DNAJC11: variants seen among roughly 807,000 people sequenced by gnomAD.
DNAJC11 encodes dnaJ homolog subfamily C member 11.
In DNAJC11, 15 loss-of-function variants were observed where a neutral mutation model predicts 78.6. That is an observed-to-expected ratio of 0.19 (90% CI 0.13 to 0.29). The LOEUF is 0.29. Ranked by LOEUF, DNAJC11 falls within the 10% of genes least tolerant of loss-of-function variation. DNAJC11 has a pLI of 1.00. For missense variants in DNAJC11, 547 were observed against 709.6 expected (o/e 0.77, Z 2.60); for synonymous variants, 292 against 272.1 (o/e 1.07, Z -0.72).
intron 6 of DNAJC11, among the ~76,000 whole-genome samples, chr1:6,652,236 T>C (rs1468555157): frequency 6.6e-6 from 1 of 152,168 alleles, no homozygotes; most frequent in Admixed American, 6.5e-5. Context: ...CAGTGAACCA[T>C]CACGCGGAAG....
At chr1:6,683,127 G>A (rs1197560676) in intron 1 of DNAJC11, among the ~76,000 whole-genome samples, 6 of 152,144 alleles carry the variant, frequency 3.9e-5, no homozygotes, top group Non-Finnish European at 7.3e-5. Flanking sequence ...ACCCCACTCC[G>A]CGGCAAATCT....
chr1:6,692,436 C>T (rs1433610995), intron 1 of DNAJC11, among the ~76,000 whole-genome samples: 1 of 151,446 alleles, frequency 6.6e-6, no homozygotes, highest in South Asian at 2.1e-4. Context: ...ACCCCAAACA[C>T]CCAAAAAATG....
At chr1:6,666,367 GT>G (rs1392107963) in intron 4 of DNAJC11, among the ~76,000 whole-genome samples, 1 of 140,514 alleles carries the variant, frequency 7.1e-6, no homozygotes. Context: ...GCCAGCATTT[GT>G]TTTTTTTCTT....
intron 3 of DNAJC11, among the ~76,000 whole-genome samples, chr1:6,675,112 G>A (rs539903015): frequency 2.0e-5 from 3 of 152,164 alleles, no homozygotes; most frequent in Admixed American, 6.5e-5. Flanking sequence ...GTTGATGCCA[G>A]CTTCATAGAA....
At chr1:6,689,469 TC>T (rs1291231581) in intron 1 of DNAJC11, among the ~76,000 whole-genome samples, 1 of 152,126 alleles carries the variant, frequency 6.6e-6, no homozygotes, top group African/African-American at 2.4e-5. Flanking sequence ...TGGCGTGATG[TC>T]CAGAAGGCAG....
rs78849549 is a variant in DNAJC11 at position 6,679,166 on chromosome 1, T to C, written c.203-699A>G. ...ATAAAAGTACACTGACTTGAAAGAG[T>C]GGGTTCCAGTTTCTAAAGAAGCTTG... On this transcript the variant is annotated intron_variant, in intron 2 of 15. Coordinates refer to ENST00000377577, the MANE Select transcript of DNAJC11 (RefSeq NM_018198.4). Among the ~76,000 whole-genome samples the C allele has an allele frequency of 8.5e-5, 13 of 152,170 alleles. No homozygotes were observed. In the East Asian group the frequency reaches 2.3e-3, roughly 27 times the overall value.
chr1:6,692,212 G>T (rs1234887101), intron 1 of DNAJC11, among the ~76,000 whole-genome samples: 2 of 152,154 alleles, frequency 1.3e-5, no homozygotes, highest in African/African-American at 2.4e-5. Flanking sequence ...AAAATAACTG[G>T]CTTATAGATC....
chr1:6,651,257 C>T (rs1394641302), intron 7 of DNAJC11: 1 of 640,938 alleles, frequency 1.6e-6, no homozygotes, highest in Non-Finnish European at 3.0e-6. Context: ...CACTCTTTCT[C>T]CGTGGCCTTG....
chr1:6,688,689 A>C (rs1435108303), intron 1 of DNAJC11, among the ~76,000 whole-genome samples: 1 of 152,210 alleles, frequency 6.6e-6, no homozygotes, highest in Non-Finnish European at 1.5e-5. Context: ...CCCAATGAGA[A>C]CACAAAGGTG....
intron 4 of DNAJC11, among the ~76,000 whole-genome samples, chr1:6,655,476 ATC>A (rs1414023791): frequency 3.3e-5 from 5 of 152,324 alleles, no homozygotes; most frequent in East Asian, 1.9e-4. Flanking sequence ...GCATGAACAC[ATC>A]TCTGTCATGA....
chr1:6,700,080 C>T (rs1642901015), intron 1 of DNAJC11, among the ~76,000 whole-genome samples: 1 of 152,222 alleles, frequency 6.6e-6, no homozygotes, highest in African/African-American at 2.4e-5. Flanking sequence ...TGGTGATTTA[C>T]TCCTGCCCCA....
intron 1 of DNAJC11, among the ~76,000 whole-genome samples, chr1:6,692,599 T>C (rs552793531): frequency 1.9e-4 from 27 of 139,956 alleles, no homozygotes; most frequent in South Asian, 1.6e-3. Flanking sequence ...AAGTAAAAAA[T>C]GCTTCAGGAA....
intron 7 of DNAJC11, chr1:6,651,101 C>T (rs370381104): frequency 1.1e-5 from 6 of 534,942 alleles, no homozygotes; most frequent in East Asian, 5.4e-5. Context: ...GCAGCAGAGA[C>T]GACAGGAAGC....
At chr1:6,665,815 A>T (rs1022849729) in intron 4 of DNAJC11, among the ~76,000 whole-genome samples, 1 of 152,108 alleles carries the variant, frequency 6.6e-6, no homozygotes, top group Non-Finnish European at 1.5e-5. Context: ...AGAACATCAA[A>T]AACACCAAAG....
rs370914052 is a variant in DNAJC11 at position 6,666,775 on chromosome 1, CCAA to C, written c.378+931_378+933del. Among the ~76,000 whole-genome samples the C allele has an allele frequency of 3.2e-3, 489 of 152,284 alleles. 4 individuals are homozygous for C. Among genetic ancestry groups the C allele is most frequent in the African/African-American group, 0.011 (449 of 41,562 alleles). Reference sequence around the variant, plus strand: ...ACTTTGTATGGCTTCTGCTCTCCTTCCAACAACGTTGATGATTTGACACAGATC... The same window carrying C: ...ACTTTGTATGGCTTCTGCTCTCCTTCCAACGTTGATGATTTGACACAGATC... On this transcript the variant is annotated intron_variant, in intron 4 of 15. Transcript: ENST00000377577.
At chr1:6,693,452 T>G (rs1642783006) in intron 1 of DNAJC11, among the ~76,000 whole-genome samples, 1 of 151,936 alleles carries the variant, frequency 6.6e-6, no homozygotes, top group South Asian at 2.1e-4. Flanking sequence ...GGTGCGATCT[T>G]GCTTCACTGC....
chr1:6,635,788 C>A, intron 15 of DNAJC11, 88 bp from the exon 16 acceptor site: 3 of 1,512,720 alleles, frequency 2.0e-6, no homozygotes, highest in Non-Finnish European at 2.7e-6. Context: ...TCACCCGGAC[C>A]AGCAGCTGGC....
At chr1:6,676,484 A>T (rs948424903) in intron 3 of DNAJC11, among the ~76,000 whole-genome samples, 1 of 152,036 alleles carries the variant, frequency 6.6e-6, no homozygotes, top group Non-Finnish European at 1.5e-5. Context: ...GTTTGAGACC[A>T]GCCTGGGCAA....
At position 6,645,518 on chromosome 1, in the gene DNAJC11, C is replaced by T. The variant is rs781546590; in HGVS notation, c.894+271G>A. Reference sequence around the variant, plus strand: ...GGCTTCATCTGCCCGCCCCCAATTCCGTGGGTGGCTCCCACCAGACATTAA... The same window carrying T: ...GGCTTCATCTGCCCGCCCCCAATTCTGTGGGTGGCTCCCACCAGACATTAA... On this transcript the variant is annotated intron_variant, in intron 8 of 15. Transcript: ENST00000377577. This position sits in a 1 kb window ranked among gnomAD's most constrained non-coding sequence, Gnocchi z 4.1. Among the ~76,000 whole-genome samples the T allele has an allele frequency of 2.0e-5, 3 of 152,218 alleles. No individual in the cohort carries two copies. The highest frequency in any genetic ancestry group is 2.1e-4 in the South Asian group (1 of 4,826).
Sources: gnomAD v4.1 joint callset for allele counts (sites outside exome capture counted in the v4.1 genomes callset) on GRCh38, gnomAD v4.1.1 for gene constraint, Gnocchi (gnomAD v3.1) non-coding constraint, MANE v1.5 for transcripts, NCBI Gene and HGNC (gene_info 2026-07-23, HGNC 2026-07-21) for gene names.